The following RAD51B variants were observed in gnomAD, a reference collection of about 807,000 sequenced individuals.
RAD51B encodes DNA repair protein RAD51 homolog 2.
In RAD51B, 38 loss-of-function variants were observed where a neutral mutation model predicts 42.2. The observed-to-expected ratio is 0.90, with a 90% confidence interval of 0.70 to 1.18. The LOEUF is 1.18. RAD51B is among the 50% of genes most tolerant of loss of function. The probability of loss-of-function intolerance (pLI) is 0.00; values close to 1 mark genes in which losing one functional copy is unlikely to be tolerated. For synonymous variants in RAD51B, 154 were observed against 145.2 expected, an observed-to-expected ratio of 1.06 and a Z score of -0.43; for missense variants, 373 against 400.7, an observed-to-expected ratio of 0.93 and a Z score of 0.59.
intron 9 of RAD51B, among the ~76,000 whole-genome samples, chr14:68,433,323 G>A (rs1013422657): frequency 2.6e-5 from 4 of 152,092 alleles, no homozygotes; most frequent in Admixed American, 6.6e-5. Context: ...GTTCTCCTGG[G>A]TAATATCCTG....
chr14:68,426,060 C>T (rs760577858), intron 9 of RAD51B, among the ~76,000 whole-genome samples: 1 of 148,162 alleles, frequency 6.7e-6, no homozygotes, highest in Non-Finnish European at 1.5e-5. Context: ...CTCTCTCTCT[C>T]TTTCTTTCTT....
intron 7 of RAD51B, among the ~76,000 whole-genome samples, chr14:68,178,085 T>C (rs937218218): frequency 1.3e-5 from 2 of 152,130 alleles, no homozygotes; most frequent in Non-Finnish European, 2.9e-5. Flanking sequence ...TTTTTTCATA[T>C]CCCTTTCCTG....
intron 11 of RAD51B, among the ~76,000 whole-genome samples, chr14:68,667,238 A>T (rs1893050054): frequency 1.3e-5 from 2 of 152,244 alleles, no homozygotes; most frequent in Non-Finnish European, 2.9e-5. Context: ...TTGATGCTTC[A>T]GCCTTGAGTC....
chr14:68,432,796 G>A (rs571906410), intron 9 of RAD51B, among the ~76,000 whole-genome samples: 1 of 152,258 alleles, frequency 6.6e-6, no homozygotes, highest in East Asian at 1.9e-4. Context: ...CTGTCATTAT[G>A]TTAGCTGGTT....
intron 7 of RAD51B, among the ~76,000 whole-genome samples, chr14:67,962,935 CAG>C: frequency 6.6e-6 from 1 of 152,214 alleles, no homozygotes; most frequent in East Asian, 1.9e-4. Flanking sequence ...ACAATTCAAT[CAG>C]AACTGTCTCA....
chr14:68,581,170 G>C (rs765666245), intron 10 of RAD51B, among the ~76,000 whole-genome samples: 7 of 152,116 alleles, frequency 4.6e-5, no homozygotes, highest in Non-Finnish European at 8.8e-5. Flanking sequence ...TGGTCCCCTA[G>C]TTGTGATTTT....
At chr14:68,538,459 A>T (rs565537547) in intron 10 of RAD51B, among the ~76,000 whole-genome samples, 104 of 152,224 alleles carry the variant, frequency 6.8e-4, no homozygotes, top group African/African-American at 2.3e-3. Context: ...ATATTTTTTC[A>T]TTGTAGGCAA....
chr14:68,406,428 G>A (rs2084276276), intron 8 of RAD51B, among the ~76,000 whole-genome samples: 1 of 152,158 alleles, frequency 6.6e-6, no homozygotes, highest in Non-Finnish European at 1.5e-5. Context: ...AAGTATTTGT[G>A]TATCTAAACA....
chr14:68,270,279 A>C (rs1305406371), intron 7 of RAD51B, among the ~76,000 whole-genome samples: 3 of 152,220 alleles, frequency 2.0e-5, no homozygotes, highest in African/African-American at 7.2e-5. Flanking sequence ...TGGTTCACTG[A>C]AGGCCATTCA....
intron 9 of RAD51B, among the ~76,000 whole-genome samples, chr14:68,442,922 A>G (rs926346457): frequency 3.3e-5 from 5 of 152,150 alleles, no homozygotes; most frequent in Admixed American, 2.6e-4. Flanking sequence ...GGGGCTGTGA[A>G]CACCTAAAGA....
intron 7 of RAD51B, among the ~76,000 whole-genome samples, chr14:68,115,057 A>G (rs142439333): frequency 0.018 from 2,535 of 143,252 alleles, 203 homozygotes; most frequent in African/African-American, 0.045. Context: ...ATATACCCAA[A>G]TGACTATAAC....
intron 10 of RAD51B, among the ~76,000 whole-genome samples, chr14:68,544,661 G>T (rs961322867): frequency 3.3e-5 from 5 of 152,126 alleles, no homozygotes; most frequent in Non-Finnish European, 7.4e-5. Flanking sequence ...AAAAAGAAAG[G>T]AGGACCAGGT....
chr14:68,265,752 TTAAAAAA>T (rs1348071471), intron 7 of RAD51B, among the ~76,000 whole-genome samples: 1 of 152,074 alleles, frequency 6.6e-6, no homozygotes, highest in African/African-American at 2.4e-5. Flanking sequence ...AGACTCTGTC[TTAAAAAA>T]TAAAAAATAA....
chr14:68,130,560 A>G (rs2077866263), intron 7 of RAD51B, among the ~76,000 whole-genome samples: 2 of 152,250 alleles, frequency 1.3e-5, no homozygotes, highest in Non-Finnish European at 2.9e-5. Flanking sequence ...GATTAAAGCC[A>G]TGGTTAAAAT....
chr14:68,430,857 T>C (rs905423325), intron 9 of RAD51B, among the ~76,000 whole-genome samples: 9 of 152,108 alleles, frequency 5.9e-5, no homozygotes, highest in Admixed American at 5.9e-4. Flanking sequence ...TTCCAGTTTT[T>C]GCCCATTCAG....
chr14:68,266,870 G>A (rs1445557109), intron 7 of RAD51B, among the ~76,000 whole-genome samples: 1 of 152,188 alleles, frequency 6.6e-6, no homozygotes, highest in Non-Finnish European at 1.5e-5. Flanking sequence ...ACTTTGTAAA[G>A]TGCTGTAAAA....
At chr14:67,927,798 T>TACACATAAAAGA (rs1439850489) in intron 7 of RAD51B, among the ~76,000 whole-genome samples, 3,570 of 149,412 alleles carry the variant, frequency 0.024, 188 homozygotes, top group African/African-American at 0.086. Flanking sequence ...GTGTGTGTCT[T>TACACATAAAAGA]TTATGGTTCC....
intron 7 of RAD51B, among the ~76,000 whole-genome samples, chr14:68,154,269 A>G (rs2078452999): frequency 6.6e-6 from 1 of 152,176 alleles, no homozygotes; most frequent in African/African-American, 2.4e-5. Context: ...TGCTTTCAGG[A>G]TTTGTTTTGG....
intron 10 of RAD51B, among the ~76,000 whole-genome samples, chr14:68,486,946 C>A (rs993272107): frequency 6.6e-6 from 1 of 152,180 alleles, no homozygotes; most frequent in Non-Finnish European, 1.5e-5. Flanking sequence ...CTGGAGAAAC[C>A]ATAGACCTTC....
Sources: gnomAD v4.1 joint callset for allele counts (sites outside exome capture counted in the v4.1 genomes callset) on GRCh38, gnomAD v4.1.1 for gene constraint, MANE v1.5 for transcripts, NCBI Gene and HGNC (gene_info 2026-07-23, HGNC 2026-07-21) for gene names.